The following CELF2 variants were observed in gnomAD, a reference collection of about 807,000 sequenced individuals.
The protein encoded by CELF2 is CUG triplet repeat RNA-binding protein 2.
A neutral mutation model predicts 62.6 loss-of-function variants in CELF2; 8 were observed. The ratio of observed to expected loss-of-function variants is 0.13; its 90% confidence interval spans 0.07 to 0.23. The LOEUF is 0.23. CELF2 is among the 10% of genes least tolerant of loss of function. The pLI is 1.00. For missense variants in CELF2, 333 were observed against 671.0 expected, an observed-to-expected ratio of 0.50 and a Z score of 5.56; for synonymous variants, 258 against 250.0, an observed-to-expected ratio of 1.03 and a Z score of -0.30.
the CELF2 span, among the ~76,000 whole-genome samples, chr10:10,577,628 C>G: frequency 2.6e-5 from 4 of 150,964 alleles, no homozygotes; most frequent in African/African-American, 9.7e-5. Flanking sequence ...TTTGTCCTTG[C>G]GATAGTTTGC....
the CELF2 span, among the ~76,000 whole-genome samples, chr10:10,656,263 C>A: frequency 3.0e-4 from 45 of 151,426 alleles, no homozygotes; most frequent in African/African-American, 6.8e-4. Flanking sequence ...GCACTTTTAC[C>A]CTGTTGGTGG....
At chr10:10,707,057 G>C in the CELF2 span, among the ~76,000 whole-genome samples, 1,484 of 152,294 alleles carry the variant, frequency 9.7e-3, 14 homozygotes, top group Non-Finnish European at 0.016. Flanking sequence ...TCAACCCTAG[G>C]GGGTCAATGC....
intron 1 of CELF2, among the ~76,000 whole-genome samples, chr10:10,890,613 G>A (rs1195207917): frequency 6.6e-6 from 1 of 152,214 alleles, no homozygotes; most frequent in Admixed American, 6.5e-5. Flanking sequence ...TGCCTTGAAA[G>A]GTAGCACTTT....
Position 11,309,363 on chromosome 10 carries a change from A to G in CELF2, c.977-4776A>G, listed in dbSNP as rs968722647. On this transcript the variant is annotated intron_variant, in intron 9 of 12. Transcript: ENST00000633077. The surrounding 1 kb of genome is among the most constrained non-coding windows in gnomAD (Gnocchi z 5.6). ...AATTCAGTGAAGTCTATTCCCCTGC[A>G]CTGTGCCTCTGCTGTCACTCCTCAG... Among the ~76,000 whole-genome samples the G allele has an allele frequency of 5.9e-5, 9 of 152,206 alleles. No individual in the cohort carries two copies. Among genetic ancestry groups the G allele is most frequent in the Non-Finnish European group, 2.9e-5 (2 of 68,024 alleles).
chr10:11,320,557 G>T (rs892720343), intron 10 of CELF2, among the ~76,000 whole-genome samples: 1 of 152,106 alleles, frequency 6.6e-6, no homozygotes, highest in Non-Finnish European at 1.5e-5. Context: ...CATCAGCCAG[G>T]CTATTTATTC....
At chr10:10,463,120 T>G in the CELF2 span, among the ~76,000 whole-genome samples, 1 of 152,192 alleles carries the variant, frequency 6.6e-6, no homozygotes, top group Non-Finnish European at 1.5e-5. Flanking sequence ...AAAGTCATTT[T>G]AATCCCTTTC....
intron 2 of CELF2, among the ~76,000 whole-genome samples, chr10:10,955,553 C>T (rs764394172): frequency 4.6e-5 from 7 of 152,288 alleles, no homozygotes; most frequent in Non-Finnish European, 8.8e-5. Context: ...CTCATTCAAC[C>T]GTCAGCCACC....
At chr10:10,591,626 T>C in the CELF2 span, among the ~76,000 whole-genome samples, 2 of 152,242 alleles carry the variant, frequency 1.3e-5, no homozygotes, top group East Asian at 3.8e-4. Context: ...TAAAAATTAC[T>C]GTAGAAATGG....
At chr10:11,144,901 A>G (rs1045105343) in intron 1 of CELF2, among the ~76,000 whole-genome samples, 3 of 46,028 alleles carry the variant, frequency 6.5e-5, no homozygotes, top group Non-Finnish European at 1.3e-4. Context: ...CAGGAAACAG[A>G]AAAAAAAAAA....
At chr10:10,750,826 T>C in the CELF2 span, among the ~76,000 whole-genome samples, 2 of 152,242 alleles carry the variant, frequency 1.3e-5, no homozygotes, top group Non-Finnish European at 2.9e-5. Flanking sequence ...AAAGGCGTCC[T>C]TGAAACTCAA....
In CELF2 at chr10:11,330,687, AATTT is replaced by A. The variant is rs1355937476; in HGVS notation, c.*1638_*1641del. On this transcript the variant is annotated 3_prime_UTR_variant, in exon 13 of 13. Coordinates refer to ENST00000633077, the MANE Select transcript of CELF2 (RefSeq NM_001326342.2). The surrounding 1 kb of genome is among the most constrained non-coding windows in gnomAD (Gnocchi z 4.5). ...CATTGCTGCATTCATGCAAGACTGA[AATTT>A]ATTATTAGACAAATTCATTATAGAA... The A allele has an allele frequency of 6.6e-6, 1 of 152,634 alleles. No individual in the cohort carries two copies. Among genetic ancestry groups the A allele is most frequent in the African/African-American group, 2.4e-5 (1 of 41,440 alleles). The allele number at this position is 152,634 out of a possible 1,614,324, so 9.5% of individuals were successfully genotyped here.
At chr10:10,658,138 C>T in the CELF2 span, among the ~76,000 whole-genome samples, 1 of 152,092 alleles carries the variant, frequency 6.6e-6, no homozygotes, top group Non-Finnish European at 1.5e-5. Context: ...TTAAAAATTC[C>T]TGTCTGATGC....
At chr10:11,074,803 G>C (rs1229530616) in intron 1 of CELF2, 1 of 152,134 alleles carries the variant, frequency 6.6e-6, no homozygotes, top group Non-Finnish European at 1.5e-5. Flanking sequence ...CCTCTACCTA[G>C]GAAAATATCC....
chr10:11,323,456 ATAATAATGAAT>A (rs2095557474), intron 11 of CELF2, among the ~76,000 whole-genome samples: 2 of 149,684 alleles, frequency 1.3e-5, no homozygotes, highest in African/African-American at 4.9e-5. Context: ...AATAATAATA[ATAATAATGAAT>A]TCCAGATTTT....
chr10:10,827,642 G>A (rs1334990481), intron 1 of CELF2, among the ~76,000 whole-genome samples: 1 of 152,140 alleles, frequency 6.6e-6, no homozygotes, highest in Non-Finnish European at 1.5e-5. Context: ...CAGGGGAGCT[G>A]ATTTATGCTT....
chr10:11,187,573 GC>G (rs71287361), intron 2 of CELF2, among the ~76,000 whole-genome samples: 113 of 105,736 alleles, frequency 1.1e-3, no homozygotes, highest in Non-Finnish European at 1.4e-3. Flanking sequence ...CACTAAGGTC[GC>G]CCCCCCCCCA....
intron 5 of CELF2, among the ~76,000 whole-genome samples, chr10:11,265,415 C>A (rs1008719084): frequency 2.6e-5 from 4 of 152,158 alleles, no homozygotes; most frequent in African/African-American, 9.7e-5. Context: ...TCTCTGATAC[C>A]TAAGTTCAAA....
At chr10:10,813,276 C>A (rs554763486) in intron 1 of CELF2, among the ~76,000 whole-genome samples, 5 of 152,276 alleles carry the variant, frequency 3.3e-5, no homozygotes, top group East Asian at 3.9e-4. Flanking sequence ...TATGACTGGT[C>A]CTGCAGGGCT....
chr10:10,609,344 A>G, the CELF2 span, among the ~76,000 whole-genome samples: 1 of 152,176 alleles, frequency 6.6e-6, no homozygotes, highest in Non-Finnish European at 1.5e-5. Context: ...ACATTATGAA[A>G]TAGCATCCCA....
Sources: gnomAD v4.1 joint callset for allele counts (sites outside exome capture counted in the v4.1 genomes callset) on GRCh38, gnomAD v4.1.1 for gene constraint, Gnocchi (gnomAD v3.1) non-coding constraint, MANE v1.5 for transcripts, NCBI Gene and HGNC (gene_info 2026-07-23, HGNC 2026-07-21) for gene names.